Variants in SPOCK2 observed in about 807,000 individuals in gnomAD.
SPOCK2 encodes the protein testican-2.
A neutral mutation model predicts 60.1 loss-of-function variants in SPOCK2; 39 were observed. The observed-to-expected ratio is 0.65, with a 90% CI of 0.50 to 0.85. The LOEUF is 0.85. SPOCK2 is among the 40% of genes least tolerant of loss of function. The pLI, the probability that SPOCK2 is intolerant of heterozygous loss-of-function variation, is 0.00. For synonymous variants in SPOCK2, 217 were observed against 231.5 expected, an observed-to-expected ratio of 0.94 and a Z score of 0.57; for missense variants, 523 against 567.4, an observed-to-expected ratio of 0.92 and a Z score of 0.80.
In SPOCK2 at chr10:72,062,519, C is replaced by G; in HGVS notation, c.*241G>C. ...TGCCAGGAGCAGTGTGGATCAAGGACACATTTGTCAGCGCATGCCACACAC... is the reference window on the plus strand; with the variant it reads ...TGCCAGGAGCAGTGTGGATCAAGGAGACATTTGTCAGCGCATGCCACACAC... On this transcript the variant is annotated 3_prime_UTR_variant, in exon 11 of 11. Transcript: ENST00000373109. This position sits in a 1 kb window ranked among gnomAD's most constrained non-coding sequence, Gnocchi z 4.3. 1.6e-6 allele frequency: 1 copy of G among 642,580 alleles called. No homozygotes were observed. The highest frequency in any genetic ancestry group is 2.4e-6 in the Non-Finnish European group (1 of 415,444). 39.8% of individuals were successfully genotyped at this position (642,580 alleles called of 1,614,324 possible).
intron 4 of SPOCK2, 114 bp downstream of exon 4, chr10:72,072,030 G>T: frequency 1.2e-6 from 1 of 839,038 alleles, no homozygotes; most frequent in Non-Finnish European, 1.7e-6. Flanking sequence ...TAAGCACTAA[G>T]TTTTACAATT....
intron 4 of SPOCK2, among the ~76,000 whole-genome samples, chr10:72,071,763 G>A (rs1452358932): frequency 6.6e-6 from 1 of 152,088 alleles, no homozygotes; most frequent in Non-Finnish European, 1.5e-5. Context: ...TTTAGGTGAA[G>A]GCAGCCGCCA....
Position 72,062,887 on chromosome 10 carries a change from G to A in SPOCK2, c.1148C>T (p.Ser383Leu), listed in dbSNP as rs199837517. Reference sequence around the variant, plus strand: ...GCCGACACCGCTTCCAAAGTCCCCCGAGAAGCCCACGATGTCATCTGTGAG... The same window carrying A: ...GCCGACACCGCTTCCAAAGTCCCCCAAGAAGCCCACGATGTCATCTGTGAG... ...SPDCDDIVGFSGDFGSGVGWE... is the reference protein window; with the variant it reads ...SPDCDDIVGFLGDFGSGVGWE... Residue 383 changes from serine (S) to leucine (L), a missense_variant, in exon 11 of 11, where the codon TCG (serine) becomes TTG (leucine). Coordinates refer to ENST00000373109, the MANE Select transcript of SPOCK2 (RefSeq NM_001244950.2). This position sits in a 1 kb window ranked among gnomAD's most constrained non-coding sequence, Gnocchi z 4.3. 1.8e-4 allele frequency: 291 copies of A among 1,598,998 alleles called. No individual in the cohort carries two copies. The highest frequency in any genetic ancestry group is 1.8e-4 in the Non-Finnish European group (210 of 1,174,992).
intron 5 of SPOCK2, chr10:72,070,079 T>G (rs1440610781): frequency 6.2e-6 from 3 of 486,122 alleles, no homozygotes; most frequent in Non-Finnish European, 1.1e-5. Context: ...ACTCCCCACC[T>G]GCACCTGTCC....
intron 1 of SPOCK2, among the ~76,000 whole-genome samples, chr10:72,077,871 C>T (rs1207606893): frequency 6.6e-6 from 1 of 152,152 alleles, no homozygotes; most frequent in African/African-American, 2.4e-5. Flanking sequence ...CTGCCCTACA[C>T]CCACCGGCCA....
Position 72,068,187 on chromosome 10 carries a change from C to T in SPOCK2, c.589G>A (p.Glu197Lys). Residue 197 changes from glutamate (E) to lysine (K), a missense_variant and splice_region_variant, in exon 6 of 11, where the codon GAG becomes AAG. Physicochemically the swap from Glu to Lys is moderately conservative, Grantham distance 56. Coordinates refer to ENST00000373109, the MANE Select transcript of SPOCK2 (RefSeq NM_001244950.2). ...CCTGGTGGCCCAGCACTGTCCTCAC[C>T]TGGTTTGCCATCGGCGGTGGAGGTG... ...AATSTADGKPETCTGQDLADL... is the reference protein window; with the variant it reads ...AATSTADGKPKTCTGQDLADL... The T allele has an allele frequency of 1.2e-6, 2 of 1,608,518 alleles. No individual in the cohort carries two copies. Among genetic ancestry groups the T allele is most frequent in the Non-Finnish European group, 1.7e-6 (2 of 1,177,884 alleles).
chr10:72,065,754 G>C (rs1161597382), intron 8 of SPOCK2, among the ~76,000 whole-genome samples: 1 of 152,220 alleles, frequency 6.6e-6, no homozygotes, highest in Non-Finnish European at 1.5e-5. Context: ...TCGCAGGAGG[G>C]CTGGGCAGTC....
chr10:72,061,230 A>G lies in SPOCK2; in HGVS notation c.*1530T>C, dbSNP rs192378990. On this transcript the variant is annotated 3_prime_UTR_variant, in exon 11 of 11. Coordinates refer to ENST00000373109, the MANE Select transcript of SPOCK2 (RefSeq NM_001244950.2). The stretch of plus-strand genomic sequence containing the variant: ...ACAGGGCCTCTTCTCATCTGGTGAG[A>G]TGAGCTCACACTGCTCAGGGGATGT... 484 of 152,486 alleles carry G rather than the reference A, an allele frequency of 3.2e-3. 2 individuals are homozygous for G. The highest frequency in any genetic ancestry group is 5.0e-3 in the Non-Finnish European group (344 of 68,138). The allele number at this position is 152,486 out of a possible 1,614,324, so 9.4% of individuals were successfully genotyped here.
intron 6 of SPOCK2, among the ~76,000 whole-genome samples, 198 bp downstream of exon 6, chr10:72,067,989 A>G (rs1295768941): frequency 2.0e-5 from 3 of 152,138 alleles, no homozygotes; most frequent in African/African-American, 4.8e-5. Flanking sequence ...CCAGGCACCC[A>G]GGGGAGAAAC....
chr10:72,071,070 T>C (rs1452463936), intron 4 of SPOCK2, among the ~76,000 whole-genome samples: 5 of 152,122 alleles, frequency 3.3e-5, no homozygotes, highest in African/African-American at 1.2e-4. Context: ...TGCAACCCCA[T>C]CTTTCATCTT....
At chr10:72,068,712 A>G (rs1008467363) in intron 5 of SPOCK2, 12 of 183,642 alleles carry the variant, frequency 6.5e-5, no homozygotes, top group Admixed American at 3.5e-4. Flanking sequence ...CCTTCCCTCA[A>G]TGATCTCCCC....
At chr10:72,070,076 A>C (rs543629518) in intron 5 of SPOCK2, 12 of 482,582 alleles carry the variant, frequency 2.5e-5, no homozygotes, top group African/African-American at 2.4e-4. Context: ...CCCACTCCCC[A>C]CCTGCACCTG....
chr10:72,066,804 A>G (rs1187087910), intron 8 of SPOCK2, 98 bp downstream of exon 8: 3 of 1,394,322 alleles, frequency 2.2e-6, no homozygotes, highest in Non-Finnish European at 3.0e-6. Context: ...CTGGGGACGT[A>G]GCCAAGAAAG....
intron 1 of SPOCK2, among the ~76,000 whole-genome samples, chr10:72,074,679 C>G (rs371624426): frequency 1.0e-3 from 159 of 152,310 alleles, no homozygotes; most frequent in African/African-American, 3.6e-3. Context: ...CTGCCTCTTC[C>G]GCAGTGAGAG....
chr10:72,076,660 C>A (rs1308877263), intron 1 of SPOCK2, among the ~76,000 whole-genome samples: 4 of 152,226 alleles, frequency 2.6e-5, no homozygotes, highest in Non-Finnish European at 5.9e-5. Flanking sequence ...CTCAGGCAGT[C>A]CTCCTGCCTT....
intron 1 of SPOCK2, among the ~76,000 whole-genome samples, chr10:72,081,497 C>T (rs1163457678): frequency 7.9e-5 from 12 of 152,178 alleles, no homozygotes; most frequent in Non-Finnish European, 1.5e-4. Context: ...GTTCTCTACC[C>T]GAGGGAGCCC....
At position 72,068,263 on chromosome 10, in the gene SPOCK2, C is replaced by A; in HGVS notation, c.513G>T (p.Gln171His). The A allele has an allele frequency of 6.2e-7, 1 of 1,612,190 alleles. No individual in the cohort carries two copies. The highest frequency in any genetic ancestry group is 1.7e-4 in the Middle Eastern group (1 of 6,058). ...LEQQACLSSK[Q>H]LAVRCEGPCP... ...AGGGGCCCTCGCATCGCACCGCCAG[C>A]TGCTTGCTGCTCAGGCACGCCTGTT... The change falls in exon 6 of 11, where the codon CAG (glutamine) becomes CAT (histidine). Residue 171 changes from glutamine (Q) to histidine (H), a missense_variant. Gln to His is a conservative substitution (Grantham distance 24, BLOSUM62 0). Transcript: ENST00000373109.
At chr10:72,063,267 C>A in intron 9 of SPOCK2, 105 bp from the exon 10 acceptor site, 2 of 1,463,752 alleles carry the variant, frequency 1.4e-6, no homozygotes, top group Non-Finnish European at 1.8e-6. Flanking sequence ...CTATACACCC[C>A]CAGAGCCCAG....
At position 72,059,060 on chromosome 10, in the gene SPOCK2, A is replaced by C. The variant is rs1840458911; in HGVS notation, c.*3700T>G. On this transcript the variant is annotated 3_prime_UTR_variant, in exon 11 of 11. Transcript: ENST00000373109. ...GGTGTTTATAAAGTTTTTATTTTCC[A>C]TTTTCTTAAAAATAACATTTGATTT... 1 of 152,538 alleles carries C rather than the reference A, an allele frequency of 6.6e-6. No homozygotes were observed. Among genetic ancestry groups the C allele is most frequent in the Non-Finnish European group, 1.5e-5 (1 of 68,030 alleles). 9.4% of individuals were successfully genotyped at this position (152,538 alleles called of 1,614,324 possible). A position where few individuals can be genotyped will look rare whatever the true frequency, so the allele number is the denominator to read the frequency against.
Sources: allele counts gnomAD v4.1 joint callset (sites outside exome capture counted in the v4.1 genomes callset), GRCh38; gene constraint gnomAD v4.1.1; non-coding constraint Gnocchi (gnomAD v3.1); transcripts MANE v1.5; gene names NCBI Gene and HGNC (gene_info 2026-07-23, HGNC 2026-07-21).